TTC28: variants seen among roughly 807,000 people sequenced by gnomAD.
TTC28 encodes tetratricopeptide repeat domain 28.
Under a neutral mutation model 198.0 loss-of-function variants are expected in TTC28, and 61 were observed. The observed-to-expected ratio is 0.31, with a 90% CI of 0.25 to 0.38. The LOEUF is 0.38. Among genes scored for constraint, TTC28 ranks in the 10% least tolerant of loss-of-function variants. TTC28 has a pLI of 1.00. For missense variants in TTC28, 2,678 were observed against 3,164.0 expected, an observed-to-expected ratio of 0.85 and a Z score of 3.69; for synonymous variants, 1,171 against 1,297.8, an observed-to-expected ratio of 0.90 and a Z score of 2.10.
intron 6 of TTC28, among the ~76,000 whole-genome samples, chr22:28,131,180 A>T (rs2146963320): frequency 6.6e-6 from 1 of 152,330 alleles, no homozygotes; most frequent in Non-Finnish European, 1.5e-5. Flanking sequence ...TTTATCTATT[A>T]ATTTAGTATT....
At chr22:28,239,195 T>C (rs893880453) in intron 5 of TTC28, among the ~76,000 whole-genome samples, 1 of 152,196 alleles carries the variant, frequency 6.6e-6, no homozygotes, top group African/African-American at 2.4e-5. Flanking sequence ...TCTTTCCTTT[T>C]GCTTCAATTT....
At position 28,018,244 on chromosome 22, in the gene TTC28, A is replaced by AGTGTGTGTGTGTGTGTGTGT. The variant is rs138612299; in HGVS notation, c.4074-3872_4074-3853dup. 3.6e-4 allele frequency among the ~76,000 whole-genome samples: 41 copies of AGTGTGTGTGTGTGTGTGTGT among 114,966 alleles called. 1 individual carries two copies. The highest frequency in any genetic ancestry group is 1.0e-3 in the African/African-American group (29 of 28,342). The allele number at this position is 114,966 out of a possible 152,430, so 75.4% of individuals were successfully genotyped here. ...ACTCCTCTGATCTGTGCTGCTATTCAGTGTGTGTGTGTGTGTGTGTGTGTG... is the reference window on the plus strand; with the variant it reads ...ACTCCTCTGATCTGTGCTGCTATTCAGTGTGTGTGTGTGTGTGTGTGTGTGTGTGTGTGTGTGTGTGTGTG... On this transcript the variant is annotated intron_variant, in intron 13 of 22. Transcript: ENST00000397906.
At chr22:28,675,310 A>C (rs1438218442) in intron 1 of TTC28, among the ~76,000 whole-genome samples, 2 of 152,180 alleles carry the variant, frequency 1.3e-5, no homozygotes, top group African/African-American at 2.4e-5. Context: ...AGAAGAAAAC[A>C]TAGGGGTAAA....
chr22:28,524,331 G>A (rs956156381), intron 2 of TTC28, among the ~76,000 whole-genome samples: 1 of 151,744 alleles, frequency 6.6e-6, no homozygotes, highest in Admixed American at 6.6e-5. Context: ...ATGGTGGCGG[G>A]CGCCTGTAGT....
chr22:28,442,877 G>A (rs2047646947), intron 2 of TTC28: 2 of 152,396 alleles, frequency 1.3e-5, no homozygotes, highest in African/African-American at 2.4e-5. Context: ...CCCTCTCCAG[G>A]ACACTTACCT....
At chr22:28,395,556 C>T (rs2046801199) in intron 2 of TTC28, among the ~76,000 whole-genome samples, 1 of 149,104 alleles carries the variant, frequency 6.7e-6, no homozygotes, top group African/African-American at 2.5e-5. Flanking sequence ...GGCATAAACC[C>T]AGGAGGCAGA....
intron 2 of TTC28, among the ~76,000 whole-genome samples, chr22:28,404,965 T>C (rs1026474624): frequency 1.3e-5 from 2 of 150,310 alleles, no homozygotes; most frequent in African/African-American, 2.4e-5. Flanking sequence ...TGTTTGCCCA[T>C]TGGTTCACTA....
intron 1 of TTC28, among the ~76,000 whole-genome samples, chr22:28,655,916 G>C (rs2146271016): frequency 1.3e-5 from 2 of 151,520 alleles, no homozygotes; most frequent in East Asian, 3.9e-4. Context: ...GTTCTTAAGT[G>C]AACCCAGGTT....
chr22:28,600,742 G>A (rs1048071558), intron 2 of TTC28, among the ~76,000 whole-genome samples: 4 of 152,072 alleles, frequency 2.6e-5, no homozygotes, highest in African/African-American at 2.4e-5. Context: ...ACAAGAGGGC[G>A]CACAAGTCTG....
At chr22:28,246,544 C>G (rs1278591559) in intron 5 of TTC28, among the ~76,000 whole-genome samples, 4 of 152,088 alleles carry the variant, frequency 2.6e-5, no homozygotes, top group Non-Finnish European at 5.9e-5. Flanking sequence ...TAGGAATAGA[C>G]CCTAGCATAG....
intron 5 of TTC28, among the ~76,000 whole-genome samples, chr22:28,284,970 T>C (rs1430516749): frequency 6.6e-6 from 1 of 152,224 alleles, no homozygotes; most frequent in Non-Finnish European, 1.5e-5. Flanking sequence ...AGCTACATTA[T>C]GATCCAGCAA....
intron 12 of TTC28, among the ~76,000 whole-genome samples, chr22:28,066,079 T>C (rs1940734660): frequency 6.6e-6 from 1 of 152,230 alleles, no homozygotes; most frequent in African/African-American, 2.4e-5. Flanking sequence ...AACAAGACTT[T>C]TAACTGTTGG....
intron 13 of TTC28, among the ~76,000 whole-genome samples, chr22:28,021,174 G>A (rs1234544545): frequency 1.3e-5 from 2 of 152,214 alleles, no homozygotes; most frequent in Non-Finnish European, 2.9e-5. Context: ...CAAGCCTGAA[G>A]ATGACCAGGA....
intron 11 of TTC28, among the ~76,000 whole-genome samples, chr22:28,095,242 T>C (rs1220580431): frequency 6.6e-6 from 1 of 152,146 alleles, no homozygotes; most frequent in African/African-American, 2.4e-5. Flanking sequence ...AGAACATTCT[T>C]TGTGGAAAGC....
chr22:28,167,245 TAAG>T (rs923933348), intron 5 of TTC28, among the ~76,000 whole-genome samples: 1 of 152,090 alleles, frequency 6.6e-6, no homozygotes, highest in Non-Finnish European at 1.5e-5. Context: ...ACCAGAGGTA[TAAG>T]GAGGAGCTGG....
chr22:27,993,266 A>C (rs777126838), intron 18 of TTC28, 21 bp downstream of exon 18: 2 of 1,491,324 alleles, frequency 1.3e-6, no homozygotes, highest in Admixed American at 2.2e-5. Flanking sequence ...CTGTTGCCCC[A>C]GCCCTACACC....
At chr22:28,098,265 T>C (rs1487106362) in intron 10 of TTC28, among the ~76,000 whole-genome samples, 5 of 152,100 alleles carry the variant, frequency 3.3e-5, no homozygotes, top group Admixed American at 2.6e-4. Context: ...GATGAGGAAA[T>C]AGACAAGAGG....
At chr22:28,029,650 T>C (rs1938991972) in intron 13 of TTC28, among the ~76,000 whole-genome samples, 1 of 152,220 alleles carries the variant, frequency 6.6e-6, no homozygotes, top group Admixed American at 6.5e-5. Flanking sequence ...AGGGGTGTGC[T>C]GGCTTGGAAA....
At chr22:28,476,617 T>G (rs1006229337) in intron 2 of TTC28, among the ~76,000 whole-genome samples, 4 of 152,210 alleles carry the variant, frequency 2.6e-5, no homozygotes, top group African/African-American at 9.6e-5. Flanking sequence ...TTAAATGGCA[T>G]TTCTATAAAT....
Sources: allele counts gnomAD v4.1 joint callset (sites outside exome capture counted in the v4.1 genomes callset), GRCh38; gene constraint gnomAD v4.1.1; transcripts MANE v1.5; gene names NCBI Gene and HGNC (gene_info 2026-07-23, HGNC 2026-07-21).